The following TRPC5 variants were observed in gnomAD, a reference collection of about 807,000 sequenced individuals.
TRPC5 encodes the protein transient receptor potential cation channel subfamily C member 5.
A neutral mutation model predicts 56.5 loss-of-function variants in TRPC5; 9 were observed. That is an observed-to-expected ratio of 0.16 (90% CI 0.10 to 0.28). The LOEUF is 0.28. Among genes scored for constraint, TRPC5 ranks in the 10% least tolerant of loss-of-function variants. TRPC5 has a pLI of 1.00. For missense variants in TRPC5, 469 were observed against 748.9 expected (o/e 0.63, Z 4.36); for synonymous variants, 282 against 278.5 (o/e 1.01, Z -0.13).
At chrX:111,990,693 T>C (rs1171449888) in intron 1 of TRPC5, among the ~76,000 whole-genome samples, 2 of 111,263 alleles carry the variant, frequency 1.8e-5, no homozygotes, top group Non-Finnish European at 3.8e-5. Flanking sequence ...TTCAGCTCTC[T>C]TAAATGAATG....
At chrX:111,961,743 G>T (rs1306142232) in intron 1 of TRPC5, among the ~76,000 whole-genome samples, 3 of 111,889 alleles carry the variant, frequency 2.7e-5, no homozygotes, top group Admixed American at 9.5e-5. Flanking sequence ...CCAAAACCTG[G>T]CAGCATTTTT....
At chrX:111,980,118 A>G (rs1482565299) in intron 1 of TRPC5, among the ~76,000 whole-genome samples, 1 of 111,905 alleles carries the variant, frequency 8.9e-6, no homozygotes, top group East Asian at 2.8e-4. Context: ...AGGTGTATTC[A>G]TATAATGGAA....
intron 1 of TRPC5, among the ~76,000 whole-genome samples, chrX:111,964,225 T>A (rs1292061554): frequency 1.8e-5 from 2 of 111,292 alleles, no homozygotes; most frequent in African/African-American, 3.3e-5. Context: ...AGGGTATCAG[T>A]GATGGAAGAC....
intron 7 of TRPC5, among the ~76,000 whole-genome samples, chrX:111,834,446 A>G (rs763104092): frequency 3.6e-5 from 4 of 111,017 alleles, no homozygotes; most frequent in African/African-American, 1.3e-4. Context: ...ATAGGAAAAA[A>G]CGTAGCCCCC....
intron 3 of TRPC5, among the ~76,000 whole-genome samples, chrX:111,883,043 G>A (rs367780051): frequency 1.9e-5 from 2 of 104,129 alleles, no homozygotes; most frequent in South Asian, 8.8e-4. Flanking sequence ...CCAAGATCAT[G>A]CCATTGCACT....
Position 111,768,768 on chromosome X carries a change from A to G in TRPC5, c.*7545T>C, listed in dbSNP as rs1945827165. ...ACCCTTTGGGTTTAGAGGACTCTTC[A>G]TGTGCTCACATAATATTCATTTTGG... On this transcript the variant is annotated 3_prime_UTR_variant, in exon 11 of 11. Transcript: ENST00000262839. Among the ~76,000 whole-genome samples the G allele has an allele frequency of 8.9e-6, 1 of 111,796 alleles. No homozygotes were observed. Among genetic ancestry groups the G allele is most frequent in the Non-Finnish European group, 1.9e-5 (1 of 53,085 alleles).
At chrX:111,920,703 C>T (rs923272984) in intron 2 of TRPC5, among the ~76,000 whole-genome samples, 2 of 111,365 alleles carry the variant, frequency 1.8e-5, no homozygotes, top group Admixed American at 1.9e-4. Context: ...GAAAGAACAC[C>T]TTGGCATTAG....
intron 2 of TRPC5, among the ~76,000 whole-genome samples, chrX:111,951,270 A>G (rs1010468132): frequency 2.7e-5 from 3 of 112,064 alleles, no homozygotes; most frequent in African/African-American, 9.7e-5. Flanking sequence ...TACCCAGGTA[A>G]TGCTGATGCT....
intron 1 of TRPC5, among the ~76,000 whole-genome samples, chrX:112,003,696 T>A (rs1307239904): frequency 9.0e-6 from 1 of 111,409 alleles, no homozygotes; most frequent in Admixed American, 9.6e-5. Flanking sequence ...TTCCAAATAC[T>A]CCCCAGTTAA....
chrX:112,057,328 T>TTC (rs10691419), intron 1 of TRPC5, among the ~76,000 whole-genome samples: 30,513 of 110,736 alleles, frequency 0.28, 5,541 homozygotes, highest in African/African-American at 0.67. Flanking sequence ...AAAAATGACT[T>TTC]TCTCTTTAAA....
intron 1 of TRPC5, among the ~76,000 whole-genome samples, chrX:112,058,833 A>T (rs1418376508): frequency 1.8e-5 from 2 of 111,817 alleles, no homozygotes; most frequent in African/African-American, 6.5e-5. Context: ...GCACTGTTCT[A>T]TGTGCTTCAT....
At chrX:111,889,980 A>G (rs1160025615) in intron 3 of TRPC5, among the ~76,000 whole-genome samples, 3 of 111,515 alleles carry the variant, frequency 2.7e-5, no homozygotes, top group African/African-American at 9.8e-5. Flanking sequence ...GGTTGTCCTC[A>G]AGGGGACTTT....
intron 1 of TRPC5, among the ~76,000 whole-genome samples, chrX:111,969,022 A>G (rs1927701818): frequency 9.7e-6 from 1 of 102,808 alleles, no homozygotes; most frequent in Non-Finnish European, 2.0e-5. Flanking sequence ...AAATAAAATA[A>G]AAACAACAAA....
chrX:111,861,383 T>G (rs1455198497), intron 3 of TRPC5, among the ~76,000 whole-genome samples: 1 of 112,487 alleles, frequency 8.9e-6, no homozygotes, highest in African/African-American at 3.2e-5. Context: ...GTTTTTATAG[T>G]GTCTTTATAA....
At chrX:111,866,032 A>G (rs1334894475) in intron 3 of TRPC5, among the ~76,000 whole-genome samples, 1 of 113,159 alleles carries the variant, frequency 8.8e-6, no homozygotes, top group East Asian at 2.8e-4. Context: ...GACAGAGCCC[A>G]AGGTCACATT....
At chrX:111,906,524 GT>G (rs1161433921) in intron 3 of TRPC5, among the ~76,000 whole-genome samples, 1 of 111,460 alleles carries the variant, frequency 9.0e-6, no homozygotes, top group Non-Finnish European at 1.9e-5. Flanking sequence ...TAACTTCGAA[GT>G]TTTTAATGTA....
intron 3 of TRPC5, among the ~76,000 whole-genome samples, chrX:111,869,172 C>A (rs1437486901): frequency 9.6e-6 from 1 of 104,147 alleles, no homozygotes; most frequent in Admixed American, 1.0e-4. Flanking sequence ...TTTTTGTAAA[C>A]CACTGCAGCA....
chrX:111,921,149 C>T (rs1165763967), intron 2 of TRPC5, among the ~76,000 whole-genome samples: 1 of 111,354 alleles, frequency 9.0e-6, no homozygotes, highest in African/African-American at 3.3e-5. Flanking sequence ...CTGTAAAAAG[C>T]CAGACAGTAA....
chrX:111,775,512 T>C lies in TRPC5; in HGVS notation c.*801A>G, dbSNP rs1246273633. On this transcript the variant is annotated 3_prime_UTR_variant, in exon 11 of 11. Transcript: ENST00000262839. Reference sequence around the variant, plus strand: ...GAGTGTAGTAGATGTTTTTAAAAAATAGCACAAATTCTAAATACTAATTTT... The same window carrying C: ...GAGTGTAGTAGATGTTTTTAAAAAACAGCACAAATTCTAAATACTAATTTT... 3 of 112,011 alleles carry C rather than the reference T, an allele frequency of 2.7e-5. No individual in the cohort carries two copies. Among genetic ancestry groups the C allele is most frequent in the Admixed American group, 9.5e-5 (1 of 10,504 alleles). 9.2% of individuals were successfully genotyped at this position (112,011 alleles called of 1,213,427 possible).
Sources: gnomAD v4.1 joint callset for allele counts (sites outside exome capture counted in the v4.1 genomes callset) on GRCh38, gnomAD v4.1.1 for gene constraint, MANE v1.5 for transcripts, NCBI Gene and HGNC (gene_info 2026-07-23, HGNC 2026-07-21) for gene names.